Variants in NTAQ1 observed in about 807,000 individuals in gnomAD.
NTAQ1 encodes the protein protein N-terminal glutamine amidohydrolase.
In NTAQ1, 21 loss-of-function variants were observed where a neutral mutation model predicts 28.2. The observed-to-expected ratio is 0.74, with a 90% CI of 0.53 to 1.07. The LOEUF (loss-of-function observed/expected upper bound fraction) is 1.07. Among genes scored for constraint, NTAQ1 ranks in the 50% least tolerant of loss-of-function variants. The pLI is 0.00. For synonymous variants in NTAQ1, 105 were observed against 90.0 expected (o/e 1.17, Z -0.94); for missense variants, 264 against 256.6 (o/e 1.03, Z -0.20).
At chr8:123,432,492 T>A (rs1814455736) in intron 3 of NTAQ1, among the ~76,000 whole-genome samples, 1 of 151,546 alleles carries the variant, frequency 6.6e-6, no homozygotes, top group African/African-American at 2.4e-5. Flanking sequence ...ATACAAAAAT[T>A]AGCGTGGTGG....
chr8:123,443,625 A>C (rs1264928657), downstream of NTAQ1, among the ~76,000 whole-genome samples: 2 of 152,124 alleles, frequency 1.3e-5, no homozygotes, highest in African/African-American at 2.4e-5. Flanking sequence ...CCGAGGCTGG[A>C]GAGCACTGGT....
At chr8:123,436,384 A>G (rs1427735555) in intron 3 of NTAQ1, 69 bp from the exon 4 acceptor site, 3 of 1,486,872 alleles carry the variant, frequency 2.0e-6, no homozygotes, top group African/African-American at 1.4e-5. Flanking sequence ...GTGATAAGGT[A>G]TGTGTCTGAA....
the NTAQ1 span, among the ~76,000 whole-genome samples, chr8:123,475,395 G>A: frequency 2.6e-5 from 4 of 152,134 alleles, no homozygotes; most frequent in African/African-American, 9.7e-5. Context: ...TTGGCATTGA[G>A]TAGTCTCATT....
chr8:123,419,423 A>G (rs576189227), intron 1 of NTAQ1, among the ~76,000 whole-genome samples: 3 of 152,198 alleles, frequency 2.0e-5, no homozygotes, highest in Non-Finnish European at 2.9e-5. Context: ...TTAAGTTGAA[A>G]TGAATGCCTC....
chr8:123,428,230 C>T (rs1303862880), intron 2 of NTAQ1, among the ~76,000 whole-genome samples: 1 of 152,132 alleles, frequency 6.6e-6, no homozygotes, highest in Non-Finnish European at 1.5e-5. Context: ...TGAGTCCCTT[C>T]TGTCGCCCAG....
chr8:123,446,448 A>G (rs1219620714), downstream of NTAQ1, among the ~76,000 whole-genome samples: 2 of 152,210 alleles, frequency 1.3e-5, no homozygotes, highest in African/African-American at 2.4e-5. Context: ...AGCCACAGAC[A>G]ATATGTAAAT....
chr8:123,425,118 GTCTC>G (rs1338117016), intron 1 of NTAQ1, among the ~76,000 whole-genome samples: 2 of 151,746 alleles, frequency 1.3e-5, no homozygotes, highest in African/African-American at 4.8e-5. Context: ...TTTAGAGGTT[GTCTC>G]TCTCTGTCGC....
chr8:123,437,100 A>C, intron 4 of NTAQ1, 110 bp from the exon 5 acceptor site: 1 of 1,405,766 alleles, frequency 7.1e-7, no homozygotes, highest in Non-Finnish European at 9.7e-7. Context: ...CCATACAGAA[A>C]TGCATGAGTA....
chr8:123,461,261 C>A (rs1330130500), intron 6 of NTAQ1, among the ~76,000 whole-genome samples: 2 of 152,144 alleles, frequency 1.3e-5, no homozygotes, highest in Non-Finnish European at 2.9e-5. Context: ...CAGCCTTGGT[C>A]CCCAGCTGCC....
chr8:123,468,979 G>A (rs2130443865), exon 7 of NTAQ1, among the ~76,000 whole-genome samples: 1 of 152,164 alleles, frequency 6.6e-6, no homozygotes, highest in African/African-American at 2.4e-5. Context: ...TTAGTAATGC[G>A]AACATCTTTT....
rs1449795294 is a variant in NTAQ1, at chr8:123,427,918, T to C, written c.84-6T>C. On this transcript the variant is annotated splice_polypyrimidine_tract_variant and splice_region_variant and intron_variant, in intron 1 of 5. Transcript: ENST00000287387. ...TAATCTTGATTAAACAATTATTTTA[T>C]TTCAGTGAAGAAAATATTTGGAAGC... The C allele has an allele frequency of 6.3e-7, 1 of 1,578,924 alleles. No individual in the cohort carries two copies. The highest frequency in any genetic ancestry group is 8.6e-7 in the Non-Finnish European group (1 of 1,159,322).
rs189920258 is a variant in NTAQ1 at position 123,421,534 on chromosome 8, A to C, written c.83+4602A>C. On this transcript the variant is annotated intron_variant, in intron 1 of 5. Coordinates refer to ENST00000287387, the MANE Select transcript of NTAQ1 (RefSeq NM_018024.3). ...TTCCTTTTTTTTTTTTTTGAGATGG[A>C]GTCTTACTCTGTTGCCCAGGGTGGA... Among the ~76,000 whole-genome samples the C allele has an allele frequency of 6.6e-3, 850 of 128,586 alleles. 8 individuals are homozygous for C. Among genetic ancestry groups the C allele is most frequent in the Non-Finnish European group, 9.9e-3 (613 of 61,972 alleles). The allele number at this position is 128,586 out of a possible 152,430, so 84.4% of individuals were successfully genotyped here.
chr8:123,474,563 C>T (rs1457541113), downstream of NTAQ1, among the ~76,000 whole-genome samples: 2 of 152,142 alleles, frequency 1.3e-5, no homozygotes, highest in Non-Finnish European at 2.9e-5. Flanking sequence ...ACTAAATTAC[C>T]ATTTTTCCCT....
At chr8:123,451,249 GC>G (rs1815481915), downstream of NTAQ1, among the ~76,000 whole-genome samples, 1 of 152,082 alleles carries the variant, frequency 6.6e-6, no homozygotes, top group Non-Finnish European at 1.5e-5. Context: ...AGAGCTGACT[GC>G]CCCAGTCAAC....
At chr8:123,438,255 A>T (rs1309244161) in intron 5 of NTAQ1, 1 of 695,382 alleles carries the variant, frequency 1.4e-6, no homozygotes, top group Non-Finnish European at 2.6e-6. Flanking sequence ...AATTCACAAC[A>T]TTCCCACTTA....
chr8:123,465,419 A>G (rs568498225), intron 6 of NTAQ1, among the ~76,000 whole-genome samples: 1 of 152,090 alleles, frequency 6.6e-6, no homozygotes, highest in Admixed American at 6.5e-5. Flanking sequence ...CCCTCATACT[A>G]AAGCTTTGTA....
At chr8:123,465,858 C>T (rs1815949792) in intron 6 of NTAQ1, among the ~76,000 whole-genome samples, 1 of 152,112 alleles carries the variant, frequency 6.6e-6, no homozygotes, top group Admixed American at 6.5e-5. Context: ...GTTGGGATTA[C>T]AGGTGTGAGC....
intron 1 of NTAQ1, among the ~76,000 whole-genome samples, chr8:123,423,313 TTC>T (rs74193611): frequency 6.7e-6 from 1 of 148,334 alleles, no homozygotes; most frequent in Non-Finnish European, 1.5e-5. Flanking sequence ...TTCTCTTCTC[TTC>T]TTTTTTCTTT....
At chr8:123,458,007 G>A (rs1341214559) in intron 6 of NTAQ1, among the ~76,000 whole-genome samples, 2 of 141,028 alleles carry the variant, frequency 1.4e-5, no homozygotes, top group African/African-American at 2.6e-5. Context: ...GCACTCCAAC[G>A]TGGGCTACAG....
Sources: gnomAD v4.1 joint callset for allele counts (sites outside exome capture counted in the v4.1 genomes callset) on GRCh38, gnomAD v4.1.1 for gene constraint, MANE v1.5 for transcripts, NCBI Gene and HGNC (gene_info 2026-07-23, HGNC 2026-07-21) for gene names.